Variants in NUP205 observed in about 807,000 individuals in gnomAD.
NUP205 encodes the protein nuclear pore complex protein Nup205.
Under a neutral mutation model 253.8 loss-of-function variants are expected in NUP205, and 76 were observed. The ratio of observed to expected loss-of-function variants is 0.30; its 90% CI spans 0.25 to 0.36. The LOEUF (loss-of-function observed/expected upper bound fraction) is 0.36, where lower values mean the gene tolerates loss of function less well. Among genes scored for constraint, NUP205 ranks in the 10% least tolerant of loss-of-function variants. The pLI, the probability that NUP205 is intolerant of heterozygous loss-of-function variation, is 1.00. For missense variants in NUP205, 2,162 were observed against 2,425.5 expected (o/e 0.89, Z 2.28); for synonymous variants, 832 against 850.1 (o/e 0.98, Z 0.37).
intron 34 of NUP205, among the ~76,000 whole-genome samples, chr7:135,629,530 T>TCTCTGTCTCTC (rs1563136036): frequency 4.3e-5 from 3 of 69,064 alleles, no homozygotes; most frequent in East Asian, 3.8e-4. Context: ...TCTGTCTCTC[T>TCTCTGTCTCTC]TTTTTTTTTT....
intron 38 of NUP205, among the ~76,000 whole-genome samples, chr7:135,639,910 G>T (rs10954500): frequency 0.17 from 26,483 of 152,086 alleles, 2,833 homozygotes; most frequent in East Asian, 0.46. Context: ...CCTTTGCAGG[G>T]ACATGGATGA....
In NUP205 at chr7:135,619,459, G is replaced by A. The variant is rs1291239160; in HGVS notation, c.4000G>A (p.Val1334Met). Reference sequence around the variant, plus strand: ...TGAAGCTGCGCAAGAGTTAATGCCTGTGGTCGCCGGGGCAGTGTTCACACT... The same window carrying A: ...TGAAGCTGCGCAAGAGTTAATGCCTATGGTCGCCGGGGCAGTGTTCACACT... Reference protein sequence around the residue: ...DDEAAQELMPVVAGAVFTLTA... With the variant: ...DDEAAQELMPMVAGAVFTLTA... The change falls in exon 29 of 43, where the codon GTG becomes ATG. Residue 1334 changes from valine to methionine, a missense_variant. This residue lies in a region of NUP205 where 1,144 missense variants were observed against 1,280.9 expected (regional missense o/e 0.89). Transcript: ENST00000285968. 2.5e-6 allele frequency: 4 copies of A among 1,613,192 alleles called. No homozygotes were observed. In the Admixed American group the frequency reaches 6.7e-5, roughly 27 times the overall value.
chr7:135,587,663 G>T lies in NUP205; in HGVS notation c.1307G>T (p.Arg436Ile). ...QMGNEPPISL[R>I]RDLEHLMLLI... is the part of the protein sequence containing the mutation. ...GGTAATGAACCCCCCATTTCACTTAGAAGGGACCTGGAACACTTAATGCTT... is the reference window on the plus strand; with the variant it reads ...GGTAATGAACCCCCCATTTCACTTATAAGGGACCTGGAACACTTAATGCTT... The change falls in exon 9 of 43, where the codon AGA (arginine) becomes ATA (isoleucine). Residue 436 changes from arginine to isoleucine, a missense_variant. Transcript: ENST00000285968. 1 of 1,608,984 alleles carries T rather than the reference G, an allele frequency of 6.2e-7. No individual in the cohort carries two copies. Among genetic ancestry groups the T allele is most frequent in the Admixed American group, 1.7e-5 (1 of 59,150 alleles).
At chr7:135,601,671 G>T (rs1038343951) in intron 17 of NUP205, among the ~76,000 whole-genome samples, 164 bp downstream of exon 17, 6 of 152,146 alleles carry the variant, frequency 3.9e-5, no homozygotes, top group Admixed American at 3.3e-4. Flanking sequence ...TGAGAGTATT[G>T]TAAGTAAAAA....
intron 2 of NUP205, among the ~76,000 whole-genome samples, chr7:135,572,743 C>T (rs751711502): frequency 1.8e-4 from 28 of 151,978 alleles, no homozygotes; most frequent in Admixed American, 7.2e-4. Flanking sequence ...GTATTAGAGA[C>T]GTGGTTTCAC....
intron 38 of NUP205, among the ~76,000 whole-genome samples, chr7:135,642,210 G>A (rs1041291537): frequency 6.7e-6 from 1 of 148,788 alleles, no homozygotes; most frequent in Non-Finnish European, 1.5e-5. Flanking sequence ...AGCCGAGATC[G>A]AACCACTGTA....
Position 135,619,871 on chromosome 7 carries a change from C to T in NUP205, c.4313C>T (p.Pro1438Leu). 1.2e-6 allele frequency: 2 copies of T among 1,609,694 alleles called. No homozygotes were observed. The highest frequency in any genetic ancestry group is 1.7e-6 in the Non-Finnish European group (2 of 1,176,290). ...YLQIAQRPDE[P>L]DTLEAAKKTM... ...CAGATTGCCCAGAGACCTGATGAAC[C>T]AGACACCTTAGAAGCAGGTAGAATG... The change falls in exon 30 of 43, where the codon CCA becomes CTA. Residue 1438 changes from proline (P) to leucine (L), a missense_variant. By Grantham distance (98) the Pro-to-Leu change is moderately conservative. Coordinates refer to ENST00000285968, the MANE Select transcript of NUP205 (RefSeq NM_015135.3).
chr7:135,574,574 C>T (rs1232696746), intron 3 of NUP205, among the ~76,000 whole-genome samples: 1 of 152,054 alleles, frequency 6.6e-6, no homozygotes, highest in Non-Finnish European at 1.5e-5. Context: ...ATAAAAAGAT[C>T]ATTGTGGCTA....
At chr7:135,620,147 C>G (rs1229313404) in intron 30 of NUP205, among the ~76,000 whole-genome samples, 2 of 152,332 alleles carry the variant, frequency 1.3e-5, no homozygotes, top group Admixed American at 1.3e-4. Context: ...CCTCACTTGC[C>G]TCAAGTCCGA....
At position 135,594,554 on chromosome 7, in the gene NUP205, A is replaced by G; in HGVS notation, c.1838A>G (p.Asn613Ser). 1.3e-6 allele frequency: 2 copies of G among 1,580,418 alleles called. No homozygotes were observed. The highest frequency in any genetic ancestry group is 8.6e-7 in the Non-Finnish European group (1 of 1,168,688). The change falls in exon 13 of 43, where the codon AAT becomes AGT. Residue 613 changes from asparagine (N) to serine (S), a missense_variant. Physicochemically the swap from Asn to Ser is conservative, Grantham distance 46. Around this residue, in one of 5 missense-constraint regions of NUP205, gnomAD observed 892 missense variants for 957.1 expected, o/e 0.93. Coordinates refer to ENST00000285968, the MANE Select transcript of NUP205 (RefSeq NM_015135.3). ...TTTTGTGTCAATTCTTAGAGTGAAA[A>G]TGCTCGCTTGGCACTCTGTGAACAC... ...LTSTIITWSE[N>S]ARLALCEHPQ...
chr7:135,563,066 C>T (rs1805634365), intron 1 of NUP205, among the ~76,000 whole-genome samples: 1 of 152,202 alleles, frequency 6.6e-6, no homozygotes, highest in African/African-American at 2.4e-5. Context: ...GTTATCACTT[C>T]CTCATGGATA....
At position 135,629,032 on chromosome 7, in the gene NUP205, A is replaced by G. The variant is rs559280588; in HGVS notation, c.4932+921A>G. Among the ~76,000 whole-genome samples, 8 of 152,324 alleles carry G rather than the reference A, an allele frequency of 5.3e-5. No individual in the cohort carries two copies. The South Asian group carries it at 1.2e-3, about 24-fold the overall frequency. ...ATAAGACACTGGTTCCCTAACACCA[A>G]TCTTGTATTGACTGAAGCAGAATCA... On this transcript the variant is annotated intron_variant, in intron 34 of 42. Coordinates refer to ENST00000285968, the MANE Select transcript of NUP205 (RefSeq NM_015135.3).
chr7:135,622,289 G>A (rs1373985836), intron 30 of NUP205, among the ~76,000 whole-genome samples: 1 of 151,644 alleles, frequency 6.6e-6, no homozygotes, highest in Non-Finnish European at 1.5e-5. Flanking sequence ...TGGGCATGGT[G>A]GCATGCACCT....
intron 1 of NUP205, among the ~76,000 whole-genome samples, chr7:135,560,907 G>GTGAATACAC (rs1805563988): frequency 6.6e-6 from 1 of 152,176 alleles, no homozygotes; most frequent in Non-Finnish European, 1.5e-5. Flanking sequence ...GTTGCACAAT[G>GTGAATACAC]TGAATACACT....
At chr7:135,572,098 A>G (rs1806012605) in intron 2 of NUP205, among the ~76,000 whole-genome samples, 1 of 151,596 alleles carries the variant, frequency 6.6e-6, no homozygotes, top group Non-Finnish European at 1.5e-5. Context: ...GCCTCAGGTG[A>G]TCTTCCTGCC....
rs781018809 is a variant in NUP205, at chr7:135,587,652, C to T, written c.1296C>T (p.Pro432=). 4.3e-6 allele frequency: 7 copies of T among 1,610,470 alleles called. No homozygotes were observed. Among genetic ancestry groups the T allele is most frequent in the East Asian group, 2.2e-5 (1 of 44,858 alleles). ...HMSMQMGNEP[P]ISLRRDLEHL... is the part of the protein sequence containing the mutation. ...GTATGCAGATGGGTAATGAACCCCC[C>T]ATTTCACTTAGAAGGGACCTGGAAC... The change falls in exon 9 of 43, where the codon CCC becomes CCT. Residue 432 remains proline (P), a synonymous_variant. Transcript: ENST00000285968.
At chr7:135,637,818 A>G (rs1405622294) in intron 36 of NUP205, 113 bp from the exon 37 acceptor site, 3 of 888,606 alleles carry the variant, frequency 3.4e-6, no homozygotes, top group African/African-American at 1.7e-5. Context: ...GTAAGATATT[A>G]GATGCCTTAA....
chr7:135,602,729 G>T, intron 17 of NUP205, 76 bp from the exon 18 acceptor site: 1 of 1,188,486 alleles, frequency 8.4e-7, no homozygotes, highest in Non-Finnish European at 1.2e-6. Context: ...CTTGTCATTT[G>T]TCTTGTTTTC....
intron 7 of NUP205, among the ~76,000 whole-genome samples, chr7:135,582,171 A>G (rs569224782): frequency 8.3e-4 from 127 of 152,130 alleles, no homozygotes; most frequent in African/African-American, 2.8e-3. Context: ...TTGTCATCCT[A>G]CCTTCTCAGG....
Sources: allele counts gnomAD v4.1 joint callset (sites outside exome capture counted in the v4.1 genomes callset), GRCh38; gene constraint gnomAD v4.1.1; regional missense constraint gnomAD v4.1.1; transcripts MANE v1.5; gene names NCBI Gene and HGNC (gene_info 2026-07-23, HGNC 2026-07-21).